NTRK2: variants seen among roughly 807,000 people sequenced by gnomAD.
The protein encoded by NTRK2 is neurotrophic receptor tyrosine kinase 2, also known as BDNF/NT-3 growth factors receptor.
In NTRK2, 13 loss-of-function variants were observed where a neutral mutation model predicts 94.5. The observed-to-expected ratio is 0.14, with a 90% confidence interval of 0.09 to 0.22. The LOEUF (loss-of-function observed/expected upper bound fraction) is 0.22. Ranked by LOEUF, NTRK2 falls within the 10% of genes least tolerant of loss-of-function variation. The probability of loss-of-function intolerance (pLI) is 1.00; values close to 1 mark genes in which losing one functional copy is unlikely to be tolerated. For synonymous variants in NTRK2, 372 were observed against 407.4 expected (o/e 0.91, Z 1.05); for missense variants, 639 against 1,071.2 (o/e 0.60, Z 5.63).
chr9:84,978,914 C>T (rs1033102321), intron 17 of NTRK2, among the ~76,000 whole-genome samples: 4 of 152,198 alleles, frequency 2.6e-5, no homozygotes, highest in Admixed American at 6.5e-5. Flanking sequence ...GCCTGGATGA[C>T]AGCACATCTG....
At chr9:84,856,840 A>G (rs1437852580) in intron 12 of NTRK2, among the ~76,000 whole-genome samples, 2 of 152,212 alleles carry the variant, frequency 1.3e-5, no homozygotes, top group Non-Finnish European at 2.9e-5. Flanking sequence ...CAGCGTTAAA[A>G]GAGAGGAAAG....
chr9:84,929,820 C>A (rs777187011), intron 14 of NTRK2, among the ~76,000 whole-genome samples: 3 of 152,148 alleles, frequency 2.0e-5, no homozygotes, highest in Non-Finnish European at 4.4e-5. Context: ...CCTCGGCCTC[C>A]CAAAGTGCTG....
intron 17 of NTRK2, among the ~76,000 whole-genome samples, chr9:84,959,233 T>G (rs1196011531): frequency 6.6e-6 from 1 of 152,236 alleles, no homozygotes. Flanking sequence ...TCGTCACCAA[T>G]GTTAAAAATT....
At chr9:85,013,204 A>T (rs892876226) in intron 17 of NTRK2, among the ~76,000 whole-genome samples, 2 of 152,158 alleles carry the variant, frequency 1.3e-5, no homozygotes, top group Non-Finnish European at 2.9e-5. Flanking sequence ...GAAGCCCCTT[A>T]TCACTCTTTG....
intron 12 of NTRK2, among the ~76,000 whole-genome samples, chr9:84,778,348 T>C (rs1236741419): frequency 2.0e-5 from 3 of 152,206 alleles, no homozygotes; most frequent in African/African-American, 7.2e-5. Context: ...GGCCACCAGC[T>C]CAGCTTATTT....
In NTRK2 at chr9:84,670,950, A is replaced by G. The variant is rs748182988; in HGVS notation, c.202A>G (p.Ile68Val). The G allele has an allele frequency of 6.3e-7, 1 of 1,585,992 alleles. No individual in the cohort carries two copies. The highest frequency in any genetic ancestry group is 8.5e-7 in the Non-Finnish European group (1 of 1,172,172). The change falls in exon 2 of 19, where the codon ATC (isoleucine) becomes GTC (valine). Residue 68 changes from isoleucine (I) to valine (V), a missense_variant. By Grantham distance (29) the Ile-to-Val change is conservative. This residue lies in a region of NTRK2 where 206 missense variants were observed against 251.5 expected (regional missense o/e 0.82). Transcript: ENST00000277120. ...GCCTAACAGTGTAGATCCTGAGAAC[A>G]TCACCGAAATGTGAGTTCCTGGAGC... The part of the protein sequence containing the change: ...LEPNSVDPEN[I>V]TEIFIANQKR...
At position 85,026,305 on chromosome 9, in the gene NTRK2, GTTTA is replaced by G. The variant is rs1217185306; in HGVS notation, c.*4876_*4879del. On this transcript the variant is annotated 3_prime_UTR_variant, in exon 19 of 19. Coordinates refer to ENST00000277120, the MANE Select transcript of NTRK2 (RefSeq NM_006180.6). ...TCTATGCGTTTGAGGCCAGGTCCAT[GTTTA>G]TTTATTTCTTTAGTCTATGCATTAA... The G allele has an allele frequency of 1.7e-5, 4 of 231,546 alleles. No individual in the cohort carries two copies. Among genetic ancestry groups the G allele is most frequent in the Admixed American group, 1.7e-4 (3 of 17,716 alleles). The allele number at this position is 231,546 out of a possible 1,614,324, so 14.3% of individuals were successfully genotyped here.
chr9:85,021,671 G>C lies in NTRK2; in HGVS notation c.*234G>C. On this transcript the variant is annotated 3_prime_UTR_variant, in exon 19 of 19. Coordinates refer to ENST00000277120, the MANE Select transcript of NTRK2 (RefSeq NM_006180.6). The stretch of plus-strand genomic sequence containing the variant: ...TTCTCTCTTTCCATCTCCCTTGGTT[G>C]TTCCTTTTTCTTTTTTTAAATTTTC... 2 of 542,602 alleles carry C rather than the reference G, an allele frequency of 3.7e-6. No homozygotes were observed. The highest frequency in any genetic ancestry group is 2.4e-5 in the South Asian group (1 of 41,056). 33.6% of individuals were successfully genotyped at this position (542,602 alleles called of 1,614,324 possible). A position where few individuals can be genotyped will look rare whatever the true frequency, so the allele number is the denominator to read the frequency against.
intron 14 of NTRK2, among the ~76,000 whole-genome samples, chr9:84,895,607 T>C (rs1216921438): frequency 6.6e-6 from 1 of 152,214 alleles, no homozygotes; most frequent in Non-Finnish European, 1.5e-5. Context: ...TTTTTAAATG[T>C]TAAAGAGGGA....
intron 12 of NTRK2, among the ~76,000 whole-genome samples, chr9:84,782,371 T>C (rs1186114635): frequency 6.6e-6 from 1 of 152,214 alleles, no homozygotes; most frequent in African/African-American, 2.4e-5. Context: ...TATGAGGCTG[T>C]ATCCCCTCTA....
intron 14 of NTRK2, among the ~76,000 whole-genome samples, chr9:84,893,765 A>C (rs1320587041): frequency 6.6e-6 from 1 of 152,188 alleles, no homozygotes; most frequent in Non-Finnish European, 1.5e-5. Context: ...GCTGGGGATG[A>C]AGCTTCTTGG....
chr9:84,855,551 C>A (rs73474477), intron 12 of NTRK2, among the ~76,000 whole-genome samples: 4,777 of 150,266 alleles, frequency 0.032, 263 homozygotes, highest in African/African-American at 0.11. Flanking sequence ...GTTGGGAAGT[C>A]ATGGAGTCAG....
At chr9:84,929,287 G>T (rs1013482211) in intron 14 of NTRK2, among the ~76,000 whole-genome samples, 1 of 152,108 alleles carries the variant, frequency 6.6e-6, no homozygotes, top group Non-Finnish European at 1.5e-5. Context: ...CACAGAGCTG[G>T]AAGTCAGTTC....
intron 12 of NTRK2, among the ~76,000 whole-genome samples, chr9:84,843,271 G>A (rs1267677079): frequency 2.0e-5 from 3 of 152,152 alleles, no homozygotes; most frequent in Non-Finnish European, 4.4e-5. Flanking sequence ...CAGGTGCTCT[G>A]GATGCCTTGT....
intron 11 of NTRK2, among the ~76,000 whole-genome samples, chr9:84,749,595 T>C (rs1381026319): frequency 6.6e-6 from 1 of 151,360 alleles, no homozygotes; most frequent in Non-Finnish European, 1.5e-5. Flanking sequence ...CTTAGTTTTT[T>C]CATCATCATC....
chr9:84,752,176 A>T (rs2064684691), intron 12 of NTRK2, 91 bp downstream of exon 12: 1 of 958,440 alleles, frequency 1.0e-6, no homozygotes, highest in African/African-American at 1.6e-5. Context: ...AAGTGGCTAG[A>T]TTTATGATGA....
chr9:84,963,126 G>A (rs188896502), intron 17 of NTRK2, among the ~76,000 whole-genome samples: 1 of 152,338 alleles, frequency 6.6e-6, no homozygotes, highest in Non-Finnish European at 1.5e-5. Flanking sequence ...GGAAGGCCAG[G>A]TTGCTGCACA....
At chr9:84,700,435 T>C (rs2131667547) in intron 2 of NTRK2, among the ~76,000 whole-genome samples, 1 of 152,292 alleles carries the variant, frequency 6.6e-6, no homozygotes, top group African/African-American at 2.4e-5. Context: ...TCCTGCACAT[T>C]TATTAAGTGT....
At chr9:84,923,131 C>T (rs748427748) in intron 14 of NTRK2, among the ~76,000 whole-genome samples, 2 of 152,162 alleles carry the variant, frequency 1.3e-5, no homozygotes, top group South Asian at 2.1e-4. Flanking sequence ...GTAGAGTCTA[C>T]AGCTGAGGAG....
Sources: gnomAD v4.1 joint callset for allele counts (sites outside exome capture counted in the v4.1 genomes callset) on GRCh38, gnomAD v4.1.1 for gene constraint, gnomAD v4.1.1 regional missense constraint, MANE v1.5 for transcripts, NCBI Gene and HGNC (gene_info 2026-07-23, HGNC 2026-07-21) for gene names.